Variants in ITGAE observed in about 807,000 individuals in gnomAD.
ITGAE encodes integrin alpha-E.
In ITGAE, 99 loss-of-function variants were observed where a neutral mutation model predicts 136.5. That is an observed-to-expected ratio of 0.73 (90% confidence interval 0.62 to 0.86). The LOEUF (loss-of-function observed/expected upper bound fraction) is 0.86. Among genes scored for constraint, ITGAE ranks in the 40% least tolerant of loss-of-function variants. The pLI is 0.00. For synonymous variants in ITGAE, 613 were observed against 591.8 expected, an observed-to-expected ratio of 1.04 and a Z score of -0.52; for missense variants, 1,447 against 1,515.3, an observed-to-expected ratio of 0.95 and a Z score of 0.75.
chr17:3,720,959 C>T (rs777967908), intron 28 of ITGAE, among the ~76,000 whole-genome samples: 2 of 152,106 alleles, frequency 1.3e-5, no homozygotes, highest in African/African-American at 2.4e-5. Context: ...GACAGGATCT[C>T]GCTCTGTCAC....
At chr17:3,788,737 T>G (rs962637167) in intron 1 of ITGAE, among the ~76,000 whole-genome samples, 9 of 146,378 alleles carry the variant, frequency 6.1e-5, no homozygotes, top group African/African-American at 2.2e-4. Flanking sequence ...AAAATAATAA[T>G]TATTAAAATA....
At position 3,753,384 on chromosome 17, in the gene ITGAE, A is replaced by G. The variant is rs1444161809; in HGVS notation, c.1574T>C (p.Met525Thr). ...CAGCAAGAAGTCCGTGCTTCCATCC[A>G]TGTCAATGTCCACAGGGCACAGCTC... ...GSELCPVDID[M>T]DGSTDFLLVA... Residue 525 changes from methionine (M) to threonine (T), a missense_variant, in exon 14 of 31, where the codon ATG becomes ACG. This residue lies in a region of ITGAE where 1,031 missense variants were observed against 1,011.4 expected (regional missense o/e 1.02). Coordinates refer to ENST00000263087, the MANE Select transcript of ITGAE (RefSeq NM_002208.5). 3.1e-6 allele frequency: 5 copies of G among 1,614,040 alleles called. No homozygotes were observed. The highest frequency in any genetic ancestry group is 4.2e-6 in the Non-Finnish European group (5 of 1,180,032).
At chr17:3,725,884 T>C in intron 26 of ITGAE, 2 of 1,612,358 alleles carry the variant, frequency 1.2e-6, no homozygotes, top group Non-Finnish European at 1.7e-6. Flanking sequence ...CACCGAGACT[T>C]ACACTGGGGG....
chr17:3,796,778 C>T (rs756606143), intron 1 of ITGAE, among the ~76,000 whole-genome samples: 24 of 152,138 alleles, frequency 1.6e-4, no homozygotes, highest in Non-Finnish European at 2.9e-4. Flanking sequence ...TCTCCCCCAG[C>T]ACACCGGGCA....
At chr17:3,751,055 C>T (rs2051852587) in intron 15 of ITGAE, among the ~76,000 whole-genome samples, 1 of 151,762 alleles carries the variant, frequency 6.6e-6, no homozygotes, top group South Asian at 2.1e-4. Flanking sequence ...TGTGAGCGTG[C>T]TGAGGACTGT....
chr17:3,715,095 GGAGAGTCCA>G lies in ITGAE; in HGVS notation c.3445-162_3445-154del, dbSNP rs757926565. ...TCCTAACTTACTCTGAATCTCTCCT[GGAGAGTCCA>G]ATCCTTCAAGACCTCTGGTGCTCAT... On this transcript the variant is annotated intron_variant, in intron 30 of 30. Transcript: ENST00000263087. Among the ~76,000 whole-genome samples the G allele has an allele frequency of 4.7e-4, 71 of 152,244 alleles. 1 individual carries two copies. Among genetic ancestry groups the G allele is most frequent in the Non-Finnish European group, 8.1e-4 (55 of 68,016 alleles).
In ITGAE at chr17:3,761,467, T is replaced by C; in HGVS notation, c.369A>G (p.Thr123=). The C allele has an allele frequency of 6.2e-7, 1 of 1,614,062 alleles. No homozygotes were observed. The highest frequency in any genetic ancestry group is 8.5e-7 in the Non-Finnish European group (1 of 1,180,006). ...CAGGGCCCAGGAGGCTACAGGTGCC[T>C]GTGAGTTCTGAGCTGAGGCTGTGAG... The part of the protein sequence containing the change: ...RRPHSLSSEL[T]GTCSLLGPDL... Residue 123 remains threonine (T), a synonymous_variant, in exon 5 of 31, where the codon ACA becomes ACG. Coordinates refer to ENST00000263087, the MANE Select transcript of ITGAE (RefSeq NM_002208.5).
chr17:3,738,180 C>T (rs146462070), intron 20 of ITGAE, among the ~76,000 whole-genome samples: 2 of 151,774 alleles, frequency 1.3e-5, no homozygotes, highest in Non-Finnish European at 2.9e-5. Context: ...TACCCTCCCC[C>T]CCTCCCCGTT....
intron 20 of ITGAE, among the ~76,000 whole-genome samples, chr17:3,736,210 G>T (rs1387843868): frequency 6.6e-6 from 1 of 152,166 alleles, no homozygotes; most frequent in Non-Finnish European, 1.5e-5. Context: ...TCAGGAGGCT[G>T]AGGCAGGAGA....
chr17:3,784,537 G>A (rs1183432264), intron 1 of ITGAE, among the ~76,000 whole-genome samples: 1 of 151,836 alleles, frequency 6.6e-6, no homozygotes, highest in East Asian at 2.0e-4. Context: ...TGGAACTACA[G>A]GCACGCGCCA....
intron 3 of ITGAE, 45 bp downstream of exon 3, chr17:3,763,824 A>G: frequency 6.7e-7 from 1 of 1,490,830 alleles, no homozygotes; most frequent in Non-Finnish European, 9.4e-7. Flanking sequence ...ATTTTGCTAG[A>G]AAGGGGGTCC....
At chr17:3,759,698 TA>T in intron 7 of ITGAE, 145 bp from the exon 8 acceptor site, 2 of 931,760 alleles carry the variant, frequency 2.1e-6, no homozygotes, top group Non-Finnish European at 3.2e-6. Flanking sequence ...GCAAAATCTC[TA>T]AGCGAGTAGG....
chr17:3,743,705 C>CCTT, intron 18 of ITGAE, 88 bp from the exon 19 acceptor site: 1 of 934,260 alleles, frequency 1.1e-6, no homozygotes, highest in Non-Finnish European at 1.5e-6. Flanking sequence ...TTCTTTTTTT[C>CCTT]TTTTTTTTTT....
intron 1 of ITGAE, among the ~76,000 whole-genome samples, chr17:3,796,740 G>A (rs891300587): frequency 2.6e-5 from 4 of 152,106 alleles, no homozygotes; most frequent in Admixed American, 1.3e-4. Context: ...CATCCTGTCA[G>A]CCACCACTGT....
intron 2 of ITGAE, among the ~76,000 whole-genome samples, chr17:3,766,581 C>T (rs1217300858): frequency 2.0e-5 from 3 of 152,066 alleles, no homozygotes; most frequent in Admixed American, 2.0e-4. Flanking sequence ...GCAGGCGGAT[C>T]ACCTGAGGTC....
At chr17:3,785,529 AGG>A (rs2052768894) in intron 1 of ITGAE, among the ~76,000 whole-genome samples, 3 of 150,726 alleles carry the variant, frequency 2.0e-5, no homozygotes, top group African/African-American at 7.3e-5. Context: ...GAAGGAAGGA[AGG>A]AAGGAAGGAA....
intron 26 of ITGAE, chr17:3,726,132 T>G: frequency 2.5e-6 from 4 of 1,614,192 alleles, no homozygotes; most frequent in Non-Finnish European, 3.4e-6. Context: ...TAACAACCGC[T>G]GGGGTGAATA....
intron 15 of ITGAE, among the ~76,000 whole-genome samples, chr17:3,751,449 C>T (rs1030224854): frequency 1.3e-5 from 2 of 151,714 alleles, no homozygotes; most frequent in Non-Finnish European, 2.9e-5. Context: ...TCTGGAACCT[C>T]CCCCCAACCT....
At position 3,732,385 on chromosome 17, in the gene ITGAE, C is replaced by CG. The variant is rs2051365728; in HGVS notation, c.2736dup (p.Val913ArgfsTer36). 1 of 1,613,766 alleles carries CG rather than the reference C, an allele frequency of 6.2e-7. No homozygotes were observed. Among genetic ancestry groups the CG allele is most frequent in the Non-Finnish European group, 8.5e-7 (1 of 1,179,822 alleles). On this transcript the variant is annotated frameshift_variant, in exon 22 of 31. Coordinates refer to ENST00000263087, the MANE Select transcript of ITGAE (RefSeq NM_002208.5). LOFTEE classifies it high-confidence loss of function. ...CGACTCACAGATGACCTCTTGAGGA[C>CG]GGGGTGACCAATCCTGCAGTTCATG...
Sources: allele counts gnomAD v4.1 joint callset (sites outside exome capture counted in the v4.1 genomes callset), GRCh38; gene constraint gnomAD v4.1.1; regional missense constraint gnomAD v4.1.1; transcripts MANE v1.5; gene names NCBI Gene and HGNC (gene_info 2026-07-23, HGNC 2026-07-21).